ROBO2: variants seen among roughly 807,000 people sequenced by gnomAD.
ROBO2 encodes roundabout homolog 2.
In ROBO2, 53 loss-of-function variants were observed where a neutral mutation model predicts 160.8. The observed-to-expected ratio is 0.33, with a 90% CI of 0.26 to 0.41. The LOEUF (loss-of-function observed/expected upper bound fraction) is 0.41. Ranked by LOEUF, ROBO2 falls within the 10% of genes least tolerant of loss-of-function variation. The probability of loss-of-function intolerance (pLI) is 1.00; values close to 1 mark genes in which losing one functional copy is unlikely to be tolerated. For synonymous variants in ROBO2, 664 were observed against 611.7 expected, an observed-to-expected ratio of 1.09 and a Z score of -1.26; for missense variants, 1,577 against 1,722.4, an observed-to-expected ratio of 0.92 and a Z score of 1.49.
chr3:77,563,416 T>A, intron 11 of ROBO2, 87 bp downstream of exon 12: 1 of 1,240,348 alleles, frequency 8.1e-7, no homozygotes, highest in Non-Finnish European at 1.2e-6. Flanking sequence ...GCTGTTTTAT[T>A]AAAGACATGT....
At chr3:77,063,019 T>C (rs894343308) in intron 1 of ROBO2, among the ~76,000 whole-genome samples, 2 of 152,210 alleles carry the variant, frequency 1.3e-5, no homozygotes, top group African/African-American at 4.8e-5. Flanking sequence ...AGGAATATTA[T>C]ACTGCTGTGG....
chr3:76,388,842 T>C (rs1286742227), intron 2 of ROBO2, among the ~76,000 whole-genome samples: 1 of 152,174 alleles, frequency 6.6e-6, no homozygotes, highest in African/African-American at 2.4e-5. Flanking sequence ...CTTATAGATA[T>C]TATCAGTGAT....
chr3:77,448,061 G>A (rs1471535079), intron 2 of ROBO2, among the ~76,000 whole-genome samples: 3 of 152,120 alleles, frequency 2.0e-5, no homozygotes, highest in African/African-American at 7.2e-5. Context: ...TTTGCGATGT[G>A]ACATTGCTCA....
chr3:76,491,201 G>A (rs747136310), intron 2 of ROBO2, among the ~76,000 whole-genome samples: 3 of 151,812 alleles, frequency 2.0e-5, no homozygotes, highest in Non-Finnish European at 2.9e-5. Context: ...CTTGTGATCC[G>A]ACCTCCCAAA....
intron 2 of ROBO2, among the ~76,000 whole-genome samples, chr3:77,304,544 A>G (rs1048422807): frequency 1.3e-5 from 2 of 152,166 alleles, no homozygotes; most frequent in Admixed American, 1.3e-4. Flanking sequence ...CAGCGCACTC[A>G]ACTTACAAAT....
At chr3:76,830,253 C>T (rs758692089) in intron 2 of ROBO2, among the ~76,000 whole-genome samples, 3 of 152,088 alleles carry the variant, frequency 2.0e-5, no homozygotes, top group African/African-American at 4.8e-5. Context: ...CTCAGCCATT[C>T]GAACAGGCGT....
intron 1 of ROBO2, among the ~76,000 whole-genome samples, chr3:77,087,690 G>A (rs2069509522): frequency 6.6e-6 from 1 of 151,650 alleles, no homozygotes; most frequent in African/African-American, 2.4e-5. Flanking sequence ...ACATGTGTGT[G>A]TATATACAGA....
intron 2 of ROBO2, among the ~76,000 whole-genome samples, chr3:77,295,917 C>T (rs1195045704): frequency 1.6e-5 from 2 of 121,994 alleles, no homozygotes; most frequent in African/African-American, 5.6e-5. Context: ...GAGGCTAGAT[C>T]ACCCAGGCAT....
At position 77,602,509 on chromosome 3, in the gene ROBO2, G is replaced by T. The variant is rs761770168; in HGVS notation, c.3136+18G>T. On this transcript the variant is annotated intron_variant, in intron 20 of 25. Transcript: ENST00000461745. ...TAACAATGGTGAGTCAGGTTCTTGT[G>T]TCCTGAGGAGGTATTTTCATATCAT... 6 of 1,613,300 alleles carry T rather than the reference G, an allele frequency of 3.7e-6. No homozygotes were observed. In the South Asian group the frequency reaches 6.6e-5, roughly 18 times the overall value.
At chr3:77,510,204 G>T (rs970998117) in intron 5 of ROBO2, among the ~76,000 whole-genome samples, 5 of 152,052 alleles carry the variant, frequency 3.3e-5, no homozygotes, top group African/African-American at 1.2e-4. Context: ...TATATTTAAA[G>T]AAGACAGTAA....
intron 2 of ROBO2, among the ~76,000 whole-genome samples, chr3:76,429,514 A>G (rs1288299477): frequency 6.6e-6 from 1 of 152,234 alleles, no homozygotes; most frequent in Non-Finnish European, 1.5e-5. Flanking sequence ...GTATGACAGC[A>G]TAATATGGAA....
intron 2 of ROBO2, among the ~76,000 whole-genome samples, chr3:75,955,152 G>A (rs1948678643): frequency 6.6e-6 from 1 of 151,772 alleles, no homozygotes. Context: ...CACTGGAAAT[G>A]TATAACTTAG....
At chr3:76,215,761 C>T (rs1416571115) in intron 2 of ROBO2, among the ~76,000 whole-genome samples, 1 of 152,120 alleles carries the variant, frequency 6.6e-6, no homozygotes, top group Non-Finnish European at 1.5e-5. Flanking sequence ...GGAGAACTTC[C>T]CCAATCTAGC....
At chr3:76,746,531 T>A (rs1160754267) in intron 2 of ROBO2, among the ~76,000 whole-genome samples, 1 of 152,096 alleles carries the variant, frequency 6.6e-6, no homozygotes, top group African/African-American at 2.4e-5. Context: ...CCATTCTAAT[T>A]GGTGTGAGAT....
At chr3:76,781,252 A>G (rs574622595) in intron 2 of ROBO2, among the ~76,000 whole-genome samples, 8 of 150,766 alleles carry the variant, frequency 5.3e-5, no homozygotes, top group African/African-American at 1.9e-4. Flanking sequence ...CTGAAACTCT[A>G]TGTTGCATTT....
intron 2 of ROBO2, among the ~76,000 whole-genome samples, chr3:76,159,906 A>G (rs28520234): frequency 0.046 from 7,007 of 152,168 alleles, 372 homozygotes; most frequent in East Asian, 0.23. Context: ...AGAAGGATCT[A>G]AGTCAGGACT....
chr3:77,638,237 T>C (rs1292215881), intron 24 of ROBO2, among the ~76,000 whole-genome samples: 2 of 152,220 alleles, frequency 1.3e-5, no homozygotes, highest in African/African-American at 2.4e-5. Context: ...GTTGTTCTTT[T>C]TGGGAAGGCT....
intron 2 of ROBO2, among the ~76,000 whole-genome samples, chr3:76,347,397 A>T (rs182142565): frequency 6.6e-6 from 1 of 152,106 alleles, no homozygotes; most frequent in African/African-American, 2.4e-5. Context: ...ATTGTGTGTG[A>T]TGATGTTAGT....
chr3:76,437,663 T>C (rs974105143), intron 2 of ROBO2, among the ~76,000 whole-genome samples: 2 of 152,184 alleles, frequency 1.3e-5, no homozygotes, highest in African/African-American at 4.8e-5. Context: ...AATTCCCCTT[T>C]GTAAACAAAG....
Sources: gnomAD v4.1 joint callset for allele counts (sites outside exome capture counted in the v4.1 genomes callset) on GRCh38, gnomAD v4.1.1 for gene constraint, MANE v1.5 for transcripts, NCBI Gene and HGNC (gene_info 2026-07-23, HGNC 2026-07-21) for gene names.